Variants in PKP3 observed in about 807,000 individuals in gnomAD.
PKP3 encodes the protein plakophilin 3.
A neutral mutation model predicts 76.5 loss-of-function variants in PKP3; 66 were observed. The ratio of observed to expected loss-of-function variants is 0.86; its 90% CI spans 0.71 to 1.06. PKP3 has a LOEUF of 1.06. PKP3 is among the 50% of genes least tolerant of loss of function. The pLI is 0.00. For synonymous variants in PKP3, 638 were observed against 516.5 expected (o/e 1.24, Z -3.19); for missense variants, 1,338 against 1,141.0 (o/e 1.17, Z -2.49).
At position 404,071 on chromosome 11, in the gene PKP3, G is replaced by T; in HGVS notation, c.2206G>T (p.Ala736Ser). The change falls in exon 11 of 13, where the codon GCC becomes TCC. Residue 736 changes from alanine to serine, a missense_variant. Physicochemically the swap from Ala to Ser is moderately conservative, Grantham distance 99. Transcript: ENST00000331563. This position sits in a 1 kb window ranked among gnomAD's most constrained non-coding sequence, Gnocchi z 4.2. ...CCTGGTGGTGGCCAGCCCCATCGCT[G>T]CCCGAGACCTGCTGTATTTTGACGG... The part of the protein sequence containing the change: ...NNLVVASPIA[A>S]RDLLYFDGLR... 6.2e-7 allele frequency: 1 copy of T among 1,612,464 alleles called. No homozygotes were observed. Among genetic ancestry groups the T allele is most frequent in the Non-Finnish European group, 8.5e-7 (1 of 1,179,756 alleles).
chr11:404,098 C>T lies in PKP3; in HGVS notation c.2233C>T (p.Leu745Phe), dbSNP rs774943530. ...AARDLLYFDG[L>F]RKLIFIKKKR... The stretch of plus-strand genomic sequence containing the variant: ...CCGAGACCTGCTGTATTTTGACGGA[C>T]TCCGAAAGCTCATCTTCATCAAGAA... The change falls in exon 11 of 13, where the codon CTC (leucine) becomes TTC (phenylalanine). Residue 745 changes from leucine to phenylalanine, a missense_variant. Leu to Phe is a conservative substitution (Grantham distance 22, BLOSUM62 0). Coordinates refer to ENST00000331563, the MANE Select transcript of PKP3 (RefSeq NM_007183.4). This position sits in a 1 kb window ranked among gnomAD's most constrained non-coding sequence, Gnocchi z 4.2. 1 of 1,611,530 alleles carries T rather than the reference C, an allele frequency of 6.2e-7. No individual in the cohort carries two copies. The highest frequency in any genetic ancestry group is 1.3e-5 in the African/African-American group (1 of 74,998).
At chr11:394,662 C>G in intron 1 of PKP3, 138 bp downstream of exon 1, 1 of 649,462 alleles carries the variant, frequency 1.5e-6, no homozygotes, top group Non-Finnish European at 2.1e-6. Flanking sequence ...CACACCCCGC[C>G]CCAGGGGCGT....
intron 9 of PKP3, 51 bp downstream of exon 9, chr11:403,314 A>T: frequency 1.5e-5 from 16 of 1,090,918 alleles, no homozygotes; most frequent in Non-Finnish European, 1.9e-5. Flanking sequence ...CATGCGGTTG[A>T]GGGGGGGACA....
rs1208714359 is a variant in PKP3, at chr11:399,955, C to T, written c.1274-12C>T. ...AGGGCAGACGCTGATAGCAGCCTCCCCCGTCCTCCAGGGATCCTGTGGAAC... is the reference window on the plus strand; with the variant it reads ...AGGGCAGACGCTGATAGCAGCCTCCTCCGTCCTCCAGGGATCCTGTGGAAC... On this transcript the variant is annotated splice_polypyrimidine_tract_variant and intron_variant, in intron 5 of 12. Coordinates refer to ENST00000331563, the MANE Select transcript of PKP3 (RefSeq NM_007183.4). The T allele has an allele frequency of 3.1e-6, 5 of 1,587,620 alleles. No homozygotes were observed. The highest frequency in any genetic ancestry group is 1.1e-5 in the South Asian group (1 of 87,624).
At chr11:393,783 G>C (rs1847006009), upstream of PKP3, among the ~76,000 whole-genome samples, 1 of 152,138 alleles carries the variant, frequency 6.6e-6, no homozygotes, top group Non-Finnish European at 1.5e-5. Flanking sequence ...CTACCATGGA[G>C]GCTGGCTGAT....
At position 400,607 on chromosome 11, in the gene PKP3, C is replaced by G; in HGVS notation, c.1639C>G (p.Leu547Val). Residue 547 changes from leucine to valine, a missense_variant, in exon 8 of 13, where the codon CTG becomes GTG. Physicochemically the swap from Leu to Val is conservative, Grantham distance 32. Transcript: ENST00000331563. ...RLYDEMPPSA[L>V]QRLEGRGRRD... ...CTACGACGAGATGCCGCCGTCCGCG[C>G]TGCAGCGGCTGGAGGGTCGCGGCCG... The G allele has an allele frequency of 2.1e-6, 3 of 1,448,608 alleles. No homozygotes were observed. The highest frequency in any genetic ancestry group is 2.7e-6 in the Non-Finnish European group (3 of 1,109,726). 89.7% of individuals were successfully genotyped at this position (1,448,608 alleles called of 1,614,324 possible). A position where few individuals can be genotyped will look rare whatever the true frequency, so the allele number is the denominator to read the frequency against.
At chr11:400,206 G>A in intron 6 of PKP3, 65 bp downstream of exon 6, 1 of 1,436,576 alleles carries the variant, frequency 7.0e-7, no homozygotes, top group Non-Finnish European at 9.3e-7. Context: ...ACTCCGCCTG[G>A]CCTGGCGTTC....
chr11:397,496 C>T (rs1847069890), intron 3 of PKP3, 43 bp from the exon 4 acceptor site: 3 of 1,611,934 alleles, frequency 1.9e-6, no homozygotes, highest in East Asian at 4.5e-5. Flanking sequence ...CGGGCCCAGC[C>T]TGAACCCAAA....
At position 400,000 on chromosome 11, in the gene PKP3, T is replaced by G; in HGVS notation, c.1307T>G (p.Leu436Arg). ...TGGAACCTTTCATCCAGCGACCACC[T>G]GAAGGACCGCCTGGCCAGAGACACG... is the stretch of plus-strand genomic sequence containing the variant. The part of the protein sequence containing the change: ...ILWNLSSSDH[L>R]KDRLARDTLE... The change falls in exon 6 of 13, where the codon CTG (leucine) becomes CGG (arginine). Residue 436 changes from leucine (L) to arginine (R), a missense_variant. Coordinates refer to ENST00000331563, the MANE Select transcript of PKP3 (RefSeq NM_007183.4). The G allele has an allele frequency of 2.5e-6, 4 of 1,606,894 alleles. No homozygotes were observed. The highest frequency in any genetic ancestry group is 3.4e-6 in the Non-Finnish European group (4 of 1,178,120).
chr11:399,080 G>C lies in PKP3; in HGVS notation c.1157G>C (p.Arg386Pro). 6.2e-7 allele frequency: 1 copy of C among 1,611,680 alleles called. No individual in the cohort carries two copies. Among genetic ancestry groups the C allele is most frequent in the Non-Finnish European group, 8.5e-7 (1 of 1,179,294 alleles). The change falls in exon 5 of 13, where the codon CGC becomes CCC. Residue 386 changes from arginine to proline, a missense_variant. Physicochemically the swap from Arg to Pro is moderately radical, Grantham distance 103. Transcript: ENST00000331563. ...EVQRHATGAM[R>P]NLIYDNADNK... ...CAGCGCCATGCCACAGGTGCCATGCGCAACCTCATCTACGACAACGCTGAC... is the reference window on the plus strand; with the variant it reads ...CAGCGCCATGCCACAGGTGCCATGCCCAACCTCATCTACGACAACGCTGAC...
rs746512910 is a variant in PKP3 at position 399,192 on chromosome 11, C to A, written c.1269C>A (p.Val423=). The A allele has an allele frequency of 1.0e-5, 16 of 1,582,490 alleles. No individual in the cohort carries two copies. The highest frequency in any genetic ancestry group is 1.4e-5 in the African/African-American group (1 of 74,028). The change falls in exon 5 of 13, where the codon GTC becomes GTA. Residue 423 remains valine (V), a synonymous_variant. Transcript: ENST00000331563. ...AGGATGATGAGCTTCGCAAAAATGT[C>A]ACAGGTGCTGCCTGTCCCCTCCTCC... is the stretch of plus-strand genomic sequence containing the variant. ...REQDDELRKN[V]TGILWNLSSS...
intron 5 of PKP3, 56 bp from the exon 6 acceptor site, chr11:399,911 G>A (rs944907657): frequency 2.2e-5 from 32 of 1,442,772 alleles, no homozygotes; most frequent in Non-Finnish European, 2.9e-5. Flanking sequence ...ACCATCCCCA[G>A]AAACGCGGAG....
At chr11:400,480 G>T (rs1243465308) in intron 7 of PKP3, 29 bp downstream of exon 7, 17 of 1,516,670 alleles carry the variant, frequency 1.1e-5, no homozygotes, top group Non-Finnish European at 1.4e-5. Flanking sequence ...AGGAGGGGCC[G>T]TGCCCCCGGG....
In PKP3 at chr11:403,166, G is replaced by A; in HGVS notation, c.1826G>A (p.Gly609Glu). ...TGGCTGTGGAGCCCCCAGATCGTGG[G>A]GCTGTACAACCGGCTGCTGCAGCGC... ...LEWLWSPQIV[G>E]LYNRLLQRCE... Residue 609 changes from glycine to glutamate, a missense_variant, in exon 9 of 13, where the codon GGG becomes GAG. Physicochemically the swap from Gly to Glu is moderately conservative, Grantham distance 98 (BLOSUM62 -2). Coordinates refer to ENST00000331563, the MANE Select transcript of PKP3 (RefSeq NM_007183.4). 6.3e-7 allele frequency: 1 copy of A among 1,587,742 alleles called. No individual in the cohort carries two copies. The highest frequency in any genetic ancestry group is 1.1e-5 in the South Asian group (1 of 87,608).
rs774942363 is a variant in PKP3 at position 397,650 on chromosome 11, C to T, written c.1056C>T (p.Ala352=). 1.2e-5 allele frequency: 19 copies of T among 1,610,942 alleles called. No individual in the cohort carries two copies. The highest frequency in any genetic ancestry group is 3.3e-5 in the Admixed American group (2 of 59,778). Residue 352 remains alanine, a synonymous_variant, in exon 4 of 13, where the codon GCC becomes GCT. Coordinates refer to ENST00000331563, the MANE Select transcript of PKP3 (RefSeq NM_007183.4). ...AGCACAAGTGCTACAGCGATGCAGC[C>T]GCCAAGAAGCAGGTGACCACCCCGA... ...YIQHKCYSDA[A]AKKQARSLQA... is the part of the protein sequence containing the mutation.
chr11:396,885 C>G lies in PKP3; in HGVS notation c.384C>G (p.Ser128Arg). ...SWSSRSAVDLSCSRRLSSAHN... is the reference protein window; with the variant it reads ...SWSSRSAVDLRCSRRLSSAHN... Reference sequence around the variant, plus strand: ...CCTCCCGCTCCGCCGTGGATCTGAGCTGCAGTCGGAGGCTGAGTTCAGCCC... The same window carrying G: ...CCTCCCGCTCCGCCGTGGATCTGAGGTGCAGTCGGAGGCTGAGTTCAGCCC... Residue 128 changes from serine (S) to arginine (R), a missense_variant, in exon 3 of 13, where the codon AGC becomes AGG. By Grantham distance (110) the Ser-to-Arg change is moderately radical (BLOSUM62 -1). Transcript: ENST00000331563. 4.4e-6 allele frequency: 7 copies of G among 1,599,152 alleles called. No individual in the cohort carries two copies. Among genetic ancestry groups the G allele is most frequent in the Non-Finnish European group, 6.0e-6 (7 of 1,175,916 alleles).
In PKP3 at chr11:397,461, C is replaced by A; in HGVS notation, c.944+16C>A. On this transcript the variant is annotated intron_variant, in intron 3 of 12. Coordinates refer to ENST00000331563, the MANE Select transcript of PKP3 (RefSeq NM_007183.4). ...TCAGCAGCGGGTGAGCGGCTGGGCC[C>A]GGCTCAGGGAGGGGGCTTCTACCAC... is the stretch of plus-strand genomic sequence containing the variant. 1 of 1,611,992 alleles carries A rather than the reference C, an allele frequency of 6.2e-7. No individual in the cohort carries two copies. The highest frequency in any genetic ancestry group is 2.2e-5 in the East Asian group (1 of 44,892).
Position 394,261 on chromosome 11 carries a change from C to A in PKP3, c.-32C>A. On this transcript the variant is annotated 5_prime_UTR_variant, in exon 1 of 13. Transcript: ENST00000331563. ...TGAAGATAGTTGGGTTTGGAGGCGG[C>A]CGCCAGGCCCAGGCCCGGTGGACCT... is the stretch of plus-strand genomic sequence containing the variant. The A allele has an allele frequency of 6.8e-7, 1 of 1,465,830 alleles. No homozygotes were observed. Among genetic ancestry groups the A allele is most frequent in the Admixed American group, 2.5e-5 (1 of 40,348 alleles). The allele number at this position is 1,465,830 out of a possible 1,614,324, so 90.8% of individuals were successfully genotyped here. A position where few individuals can be genotyped will look rare whatever the true frequency, so the allele number is the denominator to read the frequency against.
chr11:393,220 C>T (rs1846998320), upstream of PKP3, among the ~76,000 whole-genome samples: 1 of 151,754 alleles, frequency 6.6e-6, no homozygotes, highest in South Asian at 2.1e-4. Flanking sequence ...CCAGGGCCCC[C>T]CCACCAGGGG....
Sources: allele counts gnomAD v4.1 joint callset (sites outside exome capture counted in the v4.1 genomes callset), GRCh38; gene constraint gnomAD v4.1.1; non-coding constraint Gnocchi (gnomAD v3.1); transcripts MANE v1.5; gene names NCBI Gene and HGNC (gene_info 2026-07-23, HGNC 2026-07-21).